DIAPH3: variants seen among roughly 807,000 people sequenced by gnomAD.
DIAPH3 encodes the protein protein diaphanous homolog 3.
In DIAPH3, 117 loss-of-function variants were observed where a neutral mutation model predicts 144.3. That is an observed-to-expected ratio of 0.81 (90% confidence interval 0.70 to 0.95). The LOEUF (loss-of-function observed/expected upper bound fraction) is 0.95, where lower values mean the gene tolerates loss of function less well. DIAPH3 is among the 40% of genes least tolerant of loss of function. The pLI, the probability that DIAPH3 is intolerant of heterozygous loss-of-function variation, is 0.00. For missense variants in DIAPH3, 1,421 were observed against 1,412.7 expected (o/e 1.01, Z -0.09); for synonymous variants, 519 against 488.9 (o/e 1.06, Z -0.81).
chr13:59,738,993 A>G (rs1317322827), intron 27 of DIAPH3, among the ~76,000 whole-genome samples: 4 of 151,976 alleles, frequency 2.6e-5, no homozygotes, highest in African/African-American at 9.7e-5. Context: ...TTCTTTTTAC[A>G]GAATAGAAGC....
At chr13:60,071,795 T>C (rs1222427804) in intron 4 of DIAPH3, among the ~76,000 whole-genome samples, 3 of 152,206 alleles carry the variant, frequency 2.0e-5, no homozygotes, top group African/African-American at 4.8e-5. Context: ...TGATTCCTTA[T>C]TTTTAAAACT....
chr13:60,042,978 T>C (rs796410408), intron 4 of DIAPH3, among the ~76,000 whole-genome samples, 158 bp from the exon 5 acceptor site: 5 of 152,356 alleles, frequency 3.3e-5, no homozygotes, highest in African/African-American at 1.2e-4. Flanking sequence ...CCCAAAAATC[T>C]ATGAATTCAT....
At chr13:60,059,107 T>C (rs1594541457) in intron 4 of DIAPH3, among the ~76,000 whole-genome samples, 2 of 151,868 alleles carry the variant, frequency 1.3e-5, no homozygotes, top group Admixed American at 1.3e-4. Context: ...ATGTATTAGA[T>C]GTCCAGTAAA....
At chr13:60,036,981 G>C (rs2055277641) in intron 5 of DIAPH3, among the ~76,000 whole-genome samples, 1 of 11,696 alleles carries the variant, frequency 8.5e-5, no homozygotes, top group Non-Finnish European at 1.8e-4. Context: ...TTCCCTATCA[G>C]AATAAAAAAG....
chr13:59,917,666 G>A (rs140530997), intron 18 of DIAPH3, among the ~76,000 whole-genome samples: 4,409 of 151,912 alleles, frequency 0.029, 84 homozygotes, highest in Middle Eastern at 0.078. Context: ...AGAGGCAGGC[G>A]GATCACGAGG....
intron 4 of DIAPH3, among the ~76,000 whole-genome samples, chr13:60,077,984 T>C (rs1022277277): frequency 1.3e-5 from 2 of 152,058 alleles, no homozygotes; most frequent in Non-Finnish European, 2.9e-5. Context: ...TAAAGTGACA[T>C]TTGGATTTTT....
At chr13:59,895,142 A>C (rs973094107) in intron 20 of DIAPH3, among the ~76,000 whole-genome samples, 14 of 152,174 alleles carry the variant, frequency 9.2e-5, no homozygotes, top group Non-Finnish European at 1.9e-4. Flanking sequence ...TATAAACACA[A>C]AAAAAGGAAT....
intron 13 of DIAPH3, 60 bp downstream of exon 13, chr13:59,983,709 A>T: frequency 1.8e-6 from 2 of 1,139,576 alleles, no homozygotes; most frequent in South Asian, 2.5e-5. Flanking sequence ...CCAATGCCCT[A>T]GAGCTCATTC....
In DIAPH3 at chr13:60,027,816, G is replaced by C. The variant is rs78037972; in HGVS notation, c.627-11671C>G. 8.3e-3 allele frequency among the ~76,000 whole-genome samples: 1,263 copies of C among 152,224 alleles called. 22 individuals are homozygous for C. Among genetic ancestry groups the C allele is most frequent in the African/African-American group, 0.028 (1,183 of 41,528 alleles). ...ATCAAATTAAACATCATTAGTTCAA[G>C]AAAGCACTAAATTATTCATTTTAAA... On this transcript the variant is annotated intron_variant, in intron 5 of 27. Transcript: ENST00000400324.
intron 20 of DIAPH3, among the ~76,000 whole-genome samples, chr13:59,910,849 G>A (rs1176018142): frequency 6.7e-6 from 1 of 149,722 alleles, no homozygotes; most frequent in Non-Finnish European, 1.5e-5. Context: ...TAACTTTGGT[G>A]GTAGCAAGGA....
chr13:59,758,502 G>A (rs945950507), intron 27 of DIAPH3, among the ~76,000 whole-genome samples: 3 of 152,144 alleles, frequency 2.0e-5, no homozygotes, highest in African/African-American at 4.8e-5. Context: ...GACTGGCCAC[G>A]GGGCTACTGT....
intron 27 of DIAPH3, among the ~76,000 whole-genome samples, chr13:59,773,625 C>T (rs2038234760): frequency 6.6e-6 from 1 of 152,132 alleles, no homozygotes; most frequent in African/African-American, 2.4e-5. Flanking sequence ...TGCGGTTGGG[C>T]ATGGAGGACT....
At chr13:60,101,445 C>T (rs1443217102) in intron 3 of DIAPH3, among the ~76,000 whole-genome samples, 1 of 152,162 alleles carries the variant, frequency 6.6e-6, no homozygotes, top group African/African-American at 2.4e-5. Context: ...CAGATTGCAC[C>T]CAGGACGGTT....
At chr13:59,980,383 A>C (rs2050920684) in intron 14 of DIAPH3, among the ~76,000 whole-genome samples, 1 of 151,588 alleles carries the variant, frequency 6.6e-6, no homozygotes, top group Non-Finnish European at 1.5e-5. Flanking sequence ...TTGATTACAT[A>C]CATTTTGCTC....
At chr13:59,878,309 G>A (rs2140047206) in intron 21 of DIAPH3, among the ~76,000 whole-genome samples, 1 of 152,208 alleles carries the variant, frequency 6.6e-6, no homozygotes, top group Non-Finnish European at 1.5e-5. Flanking sequence ...ACACTCACAA[G>A]GCATTGATAG....
chr13:59,707,170 CAAGTTT>C (rs2034477687), intron 27 of DIAPH3, among the ~76,000 whole-genome samples: 1 of 152,076 alleles, frequency 6.6e-6, no homozygotes, highest in Non-Finnish European at 1.5e-5. Context: ...TACTAAGCTC[CAAGTTT>C]AAGTTTTAAT....
At chr13:59,810,419 TGAA>T (rs1432607383) in intron 25 of DIAPH3, among the ~76,000 whole-genome samples, 4 of 152,224 alleles carry the variant, frequency 2.6e-5, no homozygotes, top group Admixed American at 2.6e-4. Context: ...GATATTTTGT[TGAA>T]GAAACCGGGT....
At chr13:59,714,527 C>A (rs931230761) in intron 27 of DIAPH3, among the ~76,000 whole-genome samples, 6 of 152,128 alleles carry the variant, frequency 3.9e-5, no homozygotes, top group African/African-American at 1.4e-4. Flanking sequence ...ACAGTGAGAC[C>A]ATGTCTAAGT....
intron 27 of DIAPH3, among the ~76,000 whole-genome samples, chr13:59,732,555 C>T (rs1307685726): frequency 6.6e-6 from 1 of 151,700 alleles, no homozygotes; most frequent in Non-Finnish European, 1.5e-5. Context: ...GATCCTCCCA[C>T]CTCAGCCTCT....
Sources: allele counts gnomAD v4.1 joint callset (sites outside exome capture counted in the v4.1 genomes callset), GRCh38; gene constraint gnomAD v4.1.1; transcripts MANE v1.5; gene names NCBI Gene and HGNC (gene_info 2026-07-23, HGNC 2026-07-21).